The following ENOX1 variants were observed in gnomAD, a reference collection of about 807,000 sequenced individuals.
ENOX1 encodes ecto-NOX disulfide-thiol exchanger 1.
In ENOX1, 42 loss-of-function variants were observed where a neutral mutation model predicts 82.5. The observed-to-expected ratio is 0.51, with a 90% CI of 0.40 to 0.66. The LOEUF (loss-of-function observed/expected upper bound fraction) is 0.66. ENOX1 is among the 30% of genes least tolerant of loss of function. ENOX1 has a pLI of 0.00. For missense variants in ENOX1, 608 were observed against 811.6 expected (o/e 0.75, Z 3.05); for synonymous variants, 271 against 282.2 (o/e 0.96, Z 0.40).
chr13:43,454,819 CT>C (rs1278084023), intron 3 of ENOX1, among the ~76,000 whole-genome samples: 1 of 149,970 alleles, frequency 6.7e-6, no homozygotes, highest in East Asian at 1.9e-4. Flanking sequence ...CCCAAAAGAA[CT>C]ATAGAACTTA....
At chr13:43,584,273 A>G (rs148223849) in intron 2 of ENOX1, among the ~76,000 whole-genome samples, 1 of 152,352 alleles carries the variant, frequency 6.6e-6, no homozygotes, top group African/African-American at 2.4e-5. Context: ...TTTGGAAGCA[A>G]GTATTTCACA....
At chr13:43,274,716 C>T (rs751172658) in intron 12 of ENOX1, among the ~76,000 whole-genome samples, 2 of 152,152 alleles carry the variant, frequency 1.3e-5, no homozygotes, top group Middle Eastern at 3.2e-3. Flanking sequence ...GGAGTGTGTT[C>T]CAATTAGACA....
At chr13:43,734,957 T>C (rs1052777515) in intron 1 of ENOX1, among the ~76,000 whole-genome samples, 1 of 152,166 alleles carries the variant, frequency 6.6e-6, no homozygotes, top group Non-Finnish European at 1.5e-5. Flanking sequence ...TGAGGCACCA[T>C]TGAGGGCTCT....
chr13:43,521,129 T>C (rs1460320826), intron 2 of ENOX1, among the ~76,000 whole-genome samples: 1 of 152,164 alleles, frequency 6.6e-6, no homozygotes, highest in East Asian at 1.9e-4. Flanking sequence ...TGTGAAAAAG[T>C]AAACTTAACT....
At chr13:43,479,905 G>A (rs2058441030) in intron 3 of ENOX1, among the ~76,000 whole-genome samples, 1 of 151,856 alleles carries the variant, frequency 6.6e-6, no homozygotes, top group Admixed American at 6.6e-5. Flanking sequence ...GAGAACCGTG[G>A]TTACTAAACA....
intron 8 of ENOX1, among the ~76,000 whole-genome samples, chr13:43,347,752 C>A (rs1349520470): frequency 6.6e-6 from 1 of 152,210 alleles, no homozygotes; most frequent in African/African-American, 2.4e-5. Flanking sequence ...TTGTAAAAAT[C>A]ACATCAAACA....
intron 1 of ENOX1, among the ~76,000 whole-genome samples, chr13:43,761,373 G>A (rs1243006836): frequency 6.6e-6 from 1 of 152,140 alleles, no homozygotes; most frequent in African/African-American, 2.4e-5. Context: ...TTTGCCACAT[G>A]GACTCATCAC....
At chr13:43,540,164 C>G (rs9562497) in intron 2 of ENOX1, among the ~76,000 whole-genome samples, 1 of 151,906 alleles carries the variant, frequency 6.6e-6, no homozygotes, top group Non-Finnish European at 1.5e-5. Flanking sequence ...CAAACATATT[C>G]GAGTTTAAGT....
At chr13:43,227,829 A>G (rs2042095685) in intron 15 of ENOX1, among the ~76,000 whole-genome samples, 1 of 152,086 alleles carries the variant, frequency 6.6e-6, no homozygotes, top group Non-Finnish European at 1.5e-5. Flanking sequence ...AGGCAGTCAC[A>G]AATAGGCTTC....
chr13:43,590,245 G>C (rs574432872), intron 2 of ENOX1, among the ~76,000 whole-genome samples: 1 of 152,046 alleles, frequency 6.6e-6, no homozygotes, highest in East Asian at 1.9e-4. Flanking sequence ...GAACTCACTT[G>C]AAAAAAAGAT....
intron 3 of ENOX1, among the ~76,000 whole-genome samples, chr13:43,438,422 G>A (rs1436058749): frequency 6.6e-6 from 1 of 152,128 alleles, no homozygotes; most frequent in East Asian, 1.9e-4. Context: ...GTGAGAGGGA[G>A]TGAGTGACAT....
rs865900525 is a variant in ENOX1 at position 43,299,164 on chromosome 13, T to A, written c.1262-634A>T. Among the ~76,000 whole-genome samples the A allele has an allele frequency of 1.9e-4, 29 of 152,254 alleles. No individual in the cohort carries two copies. The South Asian group carries it at 2.9e-3, about 15-fold the overall frequency. On this transcript the variant is annotated intron_variant, in intron 11 of 16. Transcript: ENST00000690772. ...AAGGCTGAGTGGTTACTCTAATACC[T>A]CTCCCTGAAACCCCAAATTCTCCAC...
At chr13:43,659,540 CT>C (rs942457805) in intron 2 of ENOX1, among the ~76,000 whole-genome samples, 1 of 151,614 alleles carries the variant, frequency 6.6e-6, no homozygotes, top group Non-Finnish European at 1.5e-5. Context: ...CTCCAAGTTG[CT>C]TTTTTTGTTT....
At chr13:43,229,601 C>A (rs1273754033) in intron 15 of ENOX1, among the ~76,000 whole-genome samples, 1 of 152,176 alleles carries the variant, frequency 6.6e-6, no homozygotes, top group Non-Finnish European at 1.5e-5. Flanking sequence ...AGGTGCTTGA[C>A]ATGATCTGAA....
At chr13:43,402,508 C>T (rs1343827889) in intron 5 of ENOX1, among the ~76,000 whole-genome samples, 1 of 152,126 alleles carries the variant, frequency 6.6e-6, no homozygotes, top group Non-Finnish European at 1.5e-5. Context: ...AGTTCTTTCC[C>T]ATAGAAGAAG....
chr13:43,552,197 C>T (rs957338504), intron 2 of ENOX1, among the ~76,000 whole-genome samples: 3 of 152,112 alleles, frequency 2.0e-5, no homozygotes, highest in Non-Finnish European at 2.9e-5. Flanking sequence ...TTGTGGGAGA[C>T]ATTCTCTGAT....
chr13:43,499,949 A>T lies in ENOX1; in HGVS notation c.-218-15797T>A, dbSNP rs148918059. Among the ~76,000 whole-genome samples, 265 of 152,146 alleles carry T rather than the reference A, an allele frequency of 1.7e-3. 4 individuals carry two copies. The highest frequency in any genetic ancestry group is 6.2e-3 in the African/African-American group (257 of 41,562). On this transcript the variant is annotated intron_variant, in intron 2 of 16. Transcript: ENST00000690772. The stretch of plus-strand genomic sequence containing the variant: ...TGCAGTTATTATGACTGAACTAAAA[A>T]ATTAAACGGTTTCAACAGCAGATTC...
intron 5 of ENOX1, among the ~76,000 whole-genome samples, chr13:43,375,893 T>A (rs1343833533): frequency 6.6e-6 from 1 of 152,230 alleles, no homozygotes; most frequent in Non-Finnish European, 1.5e-5. Context: ...CTCCTCTTCC[T>A]AACACAGGAA....
At chr13:43,618,803 T>C (rs1434614531) in intron 2 of ENOX1, among the ~76,000 whole-genome samples, 4 of 152,094 alleles carry the variant, frequency 2.6e-5, no homozygotes, top group African/African-American at 7.2e-5. Context: ...GGGAATTGCA[T>C]TGAATTTGTA....
Sources: gnomAD v4.1 joint callset for allele counts (sites outside exome capture counted in the v4.1 genomes callset) on GRCh38, gnomAD v4.1.1 for gene constraint, MANE v1.5 for transcripts, NCBI Gene and HGNC (gene_info 2026-07-23, HGNC 2026-07-21) for gene names.